TEX11: variants seen among roughly 807,000 people sequenced by gnomAD.
TEX11 encodes testis-expressed protein 11.
TEX11 carries 7 observed loss-of-function variants against 84.4 expected under a neutral mutation model. That is an observed-to-expected ratio of 0.08 (90% CI 0.05 to 0.16). The LOEUF (loss-of-function observed/expected upper bound fraction) is 0.16. Among genes scored for constraint, TEX11 ranks in the 10% least tolerant of loss-of-function variants. TEX11 has a pLI of 1.00. For synonymous variants in TEX11, 264 were observed against 222.8 expected (o/e 1.18, Z -1.64); for missense variants, 551 against 660.5 (o/e 0.83, Z 1.82).
chrX:70,839,762 T>C (rs2091430472), intron 7 of TEX11, among the ~76,000 whole-genome samples: 1 of 110,703 alleles, frequency 9.0e-6, no homozygotes, highest in Non-Finnish European at 1.9e-5. Flanking sequence ...GGCGAACGGA[T>C]ACTAGAATAA....
At chrX:70,663,213 C>T (rs2089946490) in intron 16 of TEX11, among the ~76,000 whole-genome samples, 1 of 111,066 alleles carries the variant, frequency 9.0e-6, no homozygotes, top group Admixed American at 9.6e-5. Context: ...GCTTGAATCT[C>T]CTCTATAACA....
intron 9 of TEX11, among the ~76,000 whole-genome samples, chrX:70,789,788 C>A (rs556325775): frequency 1.8e-5 from 2 of 111,541 alleles, no homozygotes; most frequent in South Asian, 7.5e-4. Flanking sequence ...GGGTATTTAC[C>A]CCAAATATTT....
chrX:70,664,853 CAAAAA>C (rs373605325), intron 16 of TEX11, among the ~76,000 whole-genome samples: 1 of 54,137 alleles, frequency 1.8e-5, no homozygotes, highest in Non-Finnish European at 3.4e-5. Flanking sequence ...CTAAGAATTA[CAAAAA>C]AAAAAAAAAA....
At chrX:70,710,123 CA>C (rs201812711) in intron 13 of TEX11, among the ~76,000 whole-genome samples, 16 of 107,495 alleles carry the variant, frequency 1.5e-4, no homozygotes, top group South Asian at 3.9e-4. Context: ...TAATCAGCAT[CA>C]AAAAAAAAGG....
At chrX:70,772,905 A>C (rs73544726) in intron 9 of TEX11, among the ~76,000 whole-genome samples, 7,860 of 110,522 alleles carry the variant, frequency 0.071, 593 homozygotes, top group African/African-American at 0.22. Flanking sequence ...AATAATCAGC[A>C]AACTCAAAGA....
At chrX:70,602,604 G>A (rs1310755171) in intron 24 of TEX11, among the ~76,000 whole-genome samples, 2 of 107,624 alleles carry the variant, frequency 1.9e-5, no homozygotes, top group African/African-American at 6.8e-5. Context: ...CATACTGAAT[G>A]GGCAAACACT....
chrX:70,745,624 C>T (rs1426563456), intron 9 of TEX11, among the ~76,000 whole-genome samples: 3 of 111,639 alleles, frequency 2.7e-5, no homozygotes, highest in Non-Finnish European at 5.6e-5. Context: ...ATCTCAGCTA[C>T]TTGGGAGACT....
At chrX:70,683,198 T>C (rs1183090885) in intron 13 of TEX11, among the ~76,000 whole-genome samples, 1 of 112,088 alleles carries the variant, frequency 8.9e-6, no homozygotes, top group Admixed American at 9.4e-5. Flanking sequence ...TTCTAAAAAC[T>C]TGTTTATGTT....
intron 8 of TEX11, among the ~76,000 whole-genome samples, chrX:70,813,725 T>TA (rs1845563427): frequency 8.9e-6 from 1 of 111,862 alleles, no homozygotes. Flanking sequence ...AAAATCTCCT[T>TA]AAGCTGATAA....
chrX:70,526,065 C>T (rs1397537306), downstream of TEX11, among the ~76,000 whole-genome samples: 1 of 111,654 alleles, frequency 9.0e-6, no homozygotes, highest in Non-Finnish European at 1.9e-5. Context: ...TTCACTGGGG[C>T]TTGGGCCAAA....
chrX:70,726,395 T>C (rs2090599862), intron 11 of TEX11, among the ~76,000 whole-genome samples: 1 of 111,920 alleles, frequency 8.9e-6, no homozygotes, highest in African/African-American at 3.2e-5. Context: ...CCATCCTTAT[T>C]GTCTCTTAAA....
chrX:70,520,613 G>A, the TEX11 span, among the ~76,000 whole-genome samples: 1 of 112,538 alleles, frequency 8.9e-6, no homozygotes, highest in East Asian at 2.8e-4. Context: ...CACTTGAGAA[G>A]GCAGTCTGTC....
At chrX:70,814,808 T>C (rs2091277647) in intron 8 of TEX11, among the ~76,000 whole-genome samples, 2 of 112,330 alleles carry the variant, frequency 1.8e-5, no homozygotes, top group Admixed American at 9.5e-5. Flanking sequence ...ATACATAAGA[T>C]AACTTCTAGA....
Position 70,832,716 on chromosome X carries a change from T to C in TEX11, c.606+797A>G, listed in dbSNP as rs1267903329. On this transcript the variant is annotated intron_variant, in intron 8 of 29. Coordinates refer to ENST00000374333, the MANE Select transcript of TEX11 (RefSeq NM_031276.3). The stretch of plus-strand genomic sequence containing the variant: ...GGAGAGAAAGAATGGAAAGGGAAGA[T>C]AAAATGAAAAAGCAAAAAACTATGT... Among the ~76,000 whole-genome samples the C allele has an allele frequency of 2.7e-5, 3 of 111,518 alleles. No individual in the cohort carries two copies. The East Asian group carries it at 8.5e-4, about 31-fold the overall frequency.
intron 14 of TEX11, 83 bp downstream of exon 14, chrX:70,682,591 T>C: frequency 9.8e-7 from 1 of 1,024,055 alleles, no homozygotes; most frequent in Non-Finnish European, 1.3e-6. Flanking sequence ...TCCATTGACT[T>C]GAGGATTTTG....
At chrX:70,801,916 GA>G (rs2091191430) in intron 9 of TEX11, among the ~76,000 whole-genome samples, 2 of 110,964 alleles carry the variant, frequency 1.8e-5, no homozygotes, top group African/African-American at 6.6e-5. Context: ...GACACAATTA[GA>G]ATACTATTAT....
rs1163622435 is a variant in TEX11, at chrX:70,584,294, A to AC, written c.2140+7456_2140+7457insG. Among the ~76,000 whole-genome samples the AC allele has an allele frequency of 5.4e-5, 6 of 111,137 alleles. No individual in the cohort carries two copies. In the Admixed American group the frequency reaches 5.8e-4, roughly 11 times the overall value. On this transcript the variant is annotated intron_variant, in intron 25 of 29. Coordinates refer to ENST00000374333, the MANE Select transcript of TEX11 (RefSeq NM_031276.3). ...GACAGAGCGAGACTCCGTCTCAAAA[A>AC]AAAAAAAAAAAATGACAAATTACTA...
rs750493317 is a variant in TEX11 at position 70,735,482 on chromosome X, C to A, written c.843+5219G>T. On this transcript the variant is annotated intron_variant, in intron 11 of 29. Transcript: ENST00000374333. ...TTTCAATTAATGGCATTTCTATATA[C>A]TAGCAATGAACAATCCAAAAGTCAA... Among the ~76,000 whole-genome samples, 4 of 112,007 alleles carry A rather than the reference C, an allele frequency of 3.6e-5. No homozygotes were observed. The South Asian group carries it at 1.5e-3, about 41-fold the overall frequency.
At position 70,637,912 on chromosome X, in the gene TEX11, T is replaced by C. The variant is rs775854919; in HGVS notation, c.1484-8177A>G. 5.6e-4 allele frequency among the ~76,000 whole-genome samples: 60 copies of C among 107,303 alleles called. 1 individual carries two copies. Among genetic ancestry groups the C allele is most frequent in the Non-Finnish European group, 1.1e-3 (55 of 52,214 alleles). 93.2% of individuals were successfully genotyped at this position (107,303 alleles called of 115,157 possible). On this transcript the variant is annotated intron_variant, in intron 17 of 29. Transcript: ENST00000374333. ...CTTGCACATCCTGCACATGTCCCCC[T>C]GAACTTACAAGCTGGAAATAAAAAA...
Sources: allele counts gnomAD v4.1 joint callset (sites outside exome capture counted in the v4.1 genomes callset), GRCh38; gene constraint gnomAD v4.1.1; transcripts MANE v1.5; gene names NCBI Gene and HGNC (gene_info 2026-07-23, HGNC 2026-07-21).